The following CRBN variants were observed in gnomAD, a reference collection of about 807,000 sequenced individuals.
CRBN encodes protein cereblon.
A neutral mutation model predicts 62.2 loss-of-function variants in CRBN; 53 were observed. The ratio of observed to expected loss-of-function variants is 0.85; its 90% CI spans 0.68 to 1.07. The LOEUF is 1.07. CRBN is among the 50% of genes least tolerant of loss of function. The pLI is 0.00. For synonymous variants in CRBN, 208 were observed against 176.1 expected, an observed-to-expected ratio of 1.18 and a Z score of -1.43; for missense variants, 616 against 531.1, an observed-to-expected ratio of 1.16 and a Z score of -1.57.
intron 1 of CRBN, among the ~76,000 whole-genome samples, chr3:3,176,007 A>G (rs1050701634): frequency 6.6e-6 from 1 of 152,172 alleles, no homozygotes; most frequent in Non-Finnish European, 1.5e-5. Context: ...AGTGTGTGTC[A>G]GGTTTTTCCG....
At chr3:3,177,624 A>G (rs1707880678) in intron 1 of CRBN, among the ~76,000 whole-genome samples, 1 of 152,242 alleles carries the variant, frequency 6.6e-6, no homozygotes, top group African/African-American at 2.4e-5. Flanking sequence ...TCTACTACAG[A>G]AAGTTTAAAA....
intron 1 of CRBN, among the ~76,000 whole-genome samples, chr3:3,179,232 T>C (rs752634700): frequency 1.3e-5 from 2 of 152,162 alleles, no homozygotes; most frequent in Non-Finnish European, 2.9e-5. Flanking sequence ...GGTAAGTGCT[T>C]AGTACATGTT....
At position 3,150,483 on chromosome 3, in the gene CRBN, T is replaced by C. The variant is rs1706444862; in HGVS notation, c.*382A>G. On this transcript the variant is annotated 3_prime_UTR_variant, in exon 11 of 11. Coordinates refer to ENST00000231948, the MANE Select transcript of CRBN (RefSeq NM_016302.4). ...CGCTGTCCCATACATCAGGATCAAA[T>C]TATTAGTTTCAGTTTCACATTGTAG... The C allele has an allele frequency of 4.7e-6, 1 of 213,652 alleles. No individual in the cohort carries two copies. The highest frequency in any genetic ancestry group is 5.3e-5 in the Admixed American group (1 of 18,712). 13.2% of individuals were successfully genotyped at this position (213,652 alleles called of 1,614,324 possible). A position where few individuals can be genotyped will look rare whatever the true frequency, so the allele number is the denominator to read the frequency against.
chr3:3,174,964 C>T (rs1252347768), intron 2 of CRBN, among the ~76,000 whole-genome samples, 199 bp downstream of exon 2: 3 of 152,130 alleles, frequency 2.0e-5, no homozygotes, highest in African/African-American at 4.8e-5. Flanking sequence ...AGCAACAATT[C>T]CTCAAACAAT....
At chr3:3,152,932 C>T in intron 9 of CRBN, 1 of 323,094 alleles carries the variant, frequency 3.1e-6, no homozygotes, top group Non-Finnish European at 5.8e-6. Flanking sequence ...CCTGTGTGGT[C>T]ATTTTGGGGC....
chr3:3,174,237 A>G lies in CRBN; in HGVS notation c.199T>C (p.Phe67Leu), dbSNP rs777971005. Residue 67 changes from phenylalanine to leucine, a missense_variant, in exon 3 of 11, where the codon TTT (phenylalanine) becomes CTT (leucine). Phe to Leu is a conservative substitution (Grantham distance 22). Coordinates refer to ENST00000231948, the MANE Select transcript of CRBN (RefSeq NM_016302.4). ...TCATCGTGCAAAGTCCTGCCATGAA[A>G]TTCTTCCATATCAGCACCTAGGTAC... ...HTYLGADMEEFHGRTLHDDDS... is the reference protein window; with the variant it reads ...HTYLGADMEELHGRTLHDDDS... The G allele has an allele frequency of 1.2e-6, 2 of 1,614,030 alleles. No individual in the cohort carries two copies. The highest frequency in any genetic ancestry group is 1.7e-6 in the Non-Finnish European group (2 of 1,179,888).
intron 1 of CRBN, among the ~76,000 whole-genome samples, chr3:3,179,415 C>T (rs1396430922): frequency 6.6e-6 from 1 of 152,204 alleles, no homozygotes; most frequent in African/African-American, 2.4e-5. Flanking sequence ...CCCTGGCTCA[C>T]GGCTCGGGGC....
chr3:3,154,284 T>C (rs1253073548), intron 7 of CRBN: 3 of 560,782 alleles, frequency 5.3e-6, no homozygotes, highest in East Asian at 3.1e-5. Context: ...CTTTTTTTGG[T>C]AAAATCCTTT....
chr3:3,178,103 G>C (rs575035415), intron 1 of CRBN, among the ~76,000 whole-genome samples: 10 of 151,932 alleles, frequency 6.6e-5, no homozygotes, highest in Non-Finnish European at 1.2e-4. Context: ...GGCACGATGT[G>C]AATGTCGACA....
chr3:3,174,406 C>T (rs752056157), intron 2 of CRBN, 145 bp from the exon 3 acceptor site: 21 of 698,820 alleles, frequency 3.0e-5, no homozygotes, highest in African/African-American at 5.3e-5. Flanking sequence ...TTTGGGAGGC[C>T]GAGGTAGGCG....
At chr3:3,156,567 T>A (rs1706901764) in intron 5 of CRBN, 1 of 444,642 alleles carries the variant, frequency 2.2e-6, no homozygotes, top group South Asian at 2.4e-5. Flanking sequence ...ATGTTGAGAG[T>A]AAACACCATA....
At chr3:3,178,915 C>A (rs931766977) in intron 1 of CRBN, among the ~76,000 whole-genome samples, 1 of 151,492 alleles carries the variant, frequency 6.6e-6, no homozygotes, top group Non-Finnish European at 1.5e-5. Flanking sequence ...TATTTCAACA[C>A]AAGGCCAAAG....
chr3:3,168,915 ATAT>A (rs1350925638), intron 4 of CRBN, among the ~76,000 whole-genome samples: 4 of 152,190 alleles, frequency 2.6e-5, no homozygotes, highest in Admixed American at 1.3e-4. Flanking sequence ...AAGTGTTCTT[ATAT>A]TATTATTAGA....
At chr3:3,167,329 G>A (rs746102948) in intron 5 of CRBN, 31 of 255,888 alleles carry the variant, frequency 1.2e-4, no homozygotes, top group African/African-American at 2.3e-4. Flanking sequence ...CTCAAGAGCC[G>A]AACATCTAAT....
In CRBN at chr3:3,153,467, G is replaced by C; in HGVS notation, c.973C>G (p.Gln325Glu). Residue 325 changes from glutamine (Q) to glutamate (E), a missense_variant, in exon 9 of 11, where the codon CAA becomes GAA. Coordinates refer to ENST00000231948, the MANE Select transcript of CRBN (RefSeq NM_016302.4). ...MNKCTSLCCKQCQETEITTKN... is the reference protein window; with the variant it reads ...MNKCTSLCCKECQETEITTKN... ...GTTGTTATTTCTGTTTCTTGACATT[G>C]TTTACAGCAAAGGGAAGTACACTAA... 1 of 1,579,664 alleles carries C rather than the reference G, an allele frequency of 6.3e-7. No homozygotes were observed. Among genetic ancestry groups the C allele is most frequent in the Middle Eastern group, 1.7e-4 (1 of 5,990 alleles).
intron 4 of CRBN, among the ~76,000 whole-genome samples, chr3:3,171,632 T>G (rs748811261): frequency 7.9e-5 from 12 of 152,176 alleles, no homozygotes; most frequent in East Asian, 3.8e-4. Context: ...CCATCTCACA[T>G]GCCTCTATGC....
At chr3:3,157,008 TTAAGA>T (rs1384466963) in intron 5 of CRBN, among the ~76,000 whole-genome samples, 1 of 152,184 alleles carries the variant, frequency 6.6e-6, no homozygotes, top group Non-Finnish European at 1.5e-5. Flanking sequence ...CTCAATACTG[TTAAGA>T]TGTCAGTCCT....
At chr3:3,173,980 C>A in intron 3 of CRBN, 79 bp downstream of exon 3, 1 of 1,218,792 alleles carries the variant, frequency 8.2e-7, no homozygotes, top group South Asian at 1.2e-5. Context: ...GAAATAACAG[C>A]CTGCTTTGGC....
At position 3,153,406 on chromosome 3, in the gene CRBN, AC is replaced by A; in HGVS notation, c.1016+17del. ...TTCTGATAAGGCAAGTATATTAAAA[AC>A]GTAATAAAGACCTTACCTGAATATT... On this transcript the variant is annotated intron_variant, in intron 9 of 10. Coordinates refer to ENST00000231948, the MANE Select transcript of CRBN (RefSeq NM_016302.4). The A allele has an allele frequency of 7.4e-7, 1 of 1,354,260 alleles. No homozygotes were observed. Among genetic ancestry groups the A allele is most frequent in the Non-Finnish European group, 1.1e-6 (1 of 943,538 alleles). The allele number at this position is 1,354,260 out of a possible 1,614,324, so 83.9% of individuals were successfully genotyped here.
Sources: gnomAD v4.1 joint callset for allele counts (sites outside exome capture counted in the v4.1 genomes callset) on GRCh38, gnomAD v4.1.1 for gene constraint, MANE v1.5 for transcripts, NCBI Gene and HGNC (gene_info 2026-07-23, HGNC 2026-07-21) for gene names.